Variants in AGBL4 observed in about 807,000 individuals in gnomAD.
AGBL4 encodes the protein AGBL carboxypeptidase 4, also known as cytosolic carboxypeptidase 6.
AGBL4 carries 58 observed loss-of-function variants against 66.4 expected under a neutral mutation model. That is an observed-to-expected ratio of 0.87 (90% confidence interval 0.71 to 1.09). The LOEUF (loss-of-function observed/expected upper bound fraction) is 1.09, where lower values mean the gene tolerates loss of function less well. Ranked by LOEUF, AGBL4 falls within the 50% of genes least tolerant of loss-of-function variation. The probability of loss-of-function intolerance (pLI) is 0.00; values close to 1 mark genes in which losing one functional copy is unlikely to be tolerated. For missense variants in AGBL4, 579 were observed against 631.0 expected, an observed-to-expected ratio of 0.92 and a Z score of 0.88; for synonymous variants, 234 against 222.9, an observed-to-expected ratio of 1.05 and a Z score of -0.44.
chr1:49,350,441 G>C (rs918790230), intron 3 of AGBL4, among the ~76,000 whole-genome samples: 1 of 151,978 alleles, frequency 6.6e-6, no homozygotes, highest in African/African-American at 2.4e-5. Context: ...CTGACCTCGT[G>C]ATCCGCCCGC....
In AGBL4 at chr1:48,736,569, G is replaced by T; in HGVS notation, c.635-73328C>A. ...TGTAAGAGATTCATGTCATAAATAT[G>T]AAATTAACTCTCTTTAAGGGTAATC... On this transcript the variant is annotated intron_variant, in intron 6 of 13. Coordinates refer to ENST00000371839, the MANE Select transcript of AGBL4 (RefSeq NM_032785.4). This position sits in a 1 kb window ranked among gnomAD's most constrained non-coding sequence, Gnocchi z 4.0. The T allele has an allele frequency of 1.2e-6, 1 of 825,490 alleles. No homozygotes were observed. The highest frequency in any genetic ancestry group is 1.9e-6 in the Non-Finnish European group (1 of 514,996). The allele number at this position is 825,490 out of a possible 1,614,324, so 51.1% of individuals were successfully genotyped here.
intron 3 of AGBL4, among the ~76,000 whole-genome samples, chr1:49,491,389 G>A (rs1647181572): frequency 1.3e-5 from 2 of 151,694 alleles, no homozygotes; most frequent in African/African-American, 4.8e-5. Context: ...GAGAAAATAA[G>A]AGTTTGTTTT....
intron 6 of AGBL4, among the ~76,000 whole-genome samples, chr1:48,742,448 A>T (rs1342462285): frequency 6.6e-6 from 1 of 152,180 alleles, no homozygotes; most frequent in African/African-American, 2.4e-5. Context: ...GGAAGAGAAA[A>T]CGCCCCAGCA....
chr1:49,635,021 C>T (rs1645644508), intron 3 of AGBL4, among the ~76,000 whole-genome samples: 2 of 152,234 alleles, frequency 1.3e-5, no homozygotes, highest in African/African-American at 4.8e-5. Context: ...TTGAGGGTAT[C>T]TTATGATTCT....
At chr1:49,077,036 C>T (rs933910804) in intron 4 of AGBL4, among the ~76,000 whole-genome samples, 2 of 152,054 alleles carry the variant, frequency 1.3e-5, no homozygotes, top group South Asian at 2.1e-4. Flanking sequence ...AAATTCCCTA[C>T]AATTTTCCTA....
chr1:49,925,293 G>C (rs535025281), intron 1 of AGBL4, among the ~76,000 whole-genome samples: 3 of 152,158 alleles, frequency 2.0e-5, no homozygotes, highest in African/African-American at 7.2e-5. Context: ...CTAGGCTGAA[G>C]AAGAGCCTTA....
intron 3 of AGBL4, chr1:49,269,033 T>G (rs1643994367): frequency 6.6e-6 from 1 of 152,230 alleles, no homozygotes; most frequent in African/African-American, 2.4e-5. Context: ...AGAAGCCTTG[T>G]GTAGTTCCAT....
intron 1 of AGBL4, among the ~76,000 whole-genome samples, chr1:50,018,889 A>G (rs1373509178): frequency 1.3e-5 from 2 of 152,166 alleles, no homozygotes; most frequent in Non-Finnish European, 2.9e-5. Context: ...TTTTGAAAAT[A>G]TTTCCAAAAA....
Position 49,809,070 on chromosome 1 carries a change from A to G in AGBL4, c.157+42326T>C, listed in dbSNP as rs77435374. Among the ~76,000 whole-genome samples, 899 of 152,304 alleles carry G rather than the reference A, an allele frequency of 5.9e-3. 10 individuals are homozygous for G. Among genetic ancestry groups the G allele is most frequent in the African/African-American group, 0.021 (858 of 41,572 alleles). ...TGTAAATATGGAGTTATGTGCTACC[A>G]ATTGAATAATACTATTAAATATTAC... On this transcript the variant is annotated intron_variant, in intron 2 of 13. Coordinates refer to ENST00000371839, the MANE Select transcript of AGBL4 (RefSeq NM_032785.4).
At chr1:49,794,445 G>T (rs1644681159) in intron 2 of AGBL4, among the ~76,000 whole-genome samples, 1 of 151,880 alleles carries the variant, frequency 6.6e-6, no homozygotes, top group Admixed American at 6.6e-5. Context: ...GTGAGTAAAT[G>T]ATTTTCAGAG....
intron 1 of AGBL4, among the ~76,000 whole-genome samples, chr1:49,875,263 G>A (rs113091665): frequency 0.42 from 59,836 of 142,188 alleles, 14,911 homozygotes; most frequent in Non-Finnish European, 0.56. Context: ...CCACCAACTC[G>A]TCATCTAGCA....
intron 3 of AGBL4, among the ~76,000 whole-genome samples, chr1:49,251,889 T>C (rs2148339282): frequency 6.6e-6 from 1 of 151,994 alleles, no homozygotes; most frequent in South Asian, 2.1e-4. Context: ...ACCCTCAAGG[T>C]CATCAAACAG....
chr1:49,302,443 C>T (rs1216293935), intron 3 of AGBL4, among the ~76,000 whole-genome samples: 3 of 151,548 alleles, frequency 2.0e-5, no homozygotes, highest in African/African-American at 7.3e-5. Flanking sequence ...TTAGTAGAAA[C>T]GGGGTTTCAC....
chr1:48,624,087 A>G (rs1645459817), intron 9 of AGBL4, among the ~76,000 whole-genome samples: 1 of 152,206 alleles, frequency 6.6e-6, no homozygotes, highest in African/African-American at 2.4e-5. Flanking sequence ...AAACTTTAGA[A>G]TCTGTGGGTT....
intron 4 of AGBL4, among the ~76,000 whole-genome samples, chr1:49,240,671 CT>C (rs1557758687): frequency 6.6e-6 from 1 of 150,576 alleles, no homozygotes. Flanking sequence ...CCTAATCTCT[CT>C]TCTCATGGCC....
At chr1:49,239,516 T>C (rs1381876361) in intron 4 of AGBL4, among the ~76,000 whole-genome samples, 1 of 152,102 alleles carries the variant, frequency 6.6e-6, no homozygotes, top group Admixed American at 6.6e-5. Flanking sequence ...TATTCAAACA[T>C]GGTGTGATTA....
chr1:49,027,651 C>T (rs1663830554), intron 5 of AGBL4, among the ~76,000 whole-genome samples: 1 of 152,052 alleles, frequency 6.6e-6, no homozygotes, highest in African/African-American at 2.4e-5. Flanking sequence ...GAGGGGCAGG[C>T]CACAAGCACC....
chr1:49,506,076 A>ATC (rs1287196450), intron 3 of AGBL4, among the ~76,000 whole-genome samples: 1 of 151,500 alleles, frequency 6.6e-6, no homozygotes, highest in Non-Finnish European at 1.5e-5. Context: ...ATAATATTGT[A>ATC]TCTCTCTCAG....
At chr1:48,654,279 C>T (rs570837630) in intron 7 of AGBL4, among the ~76,000 whole-genome samples, 3 of 152,238 alleles carry the variant, frequency 2.0e-5, no homozygotes, top group South Asian at 2.1e-4. Flanking sequence ...GAGCCCTCAT[C>T]GCTGAAGCCA....
Sources: allele counts gnomAD v4.1 joint callset (sites outside exome capture counted in the v4.1 genomes callset), GRCh38; gene constraint gnomAD v4.1.1; non-coding constraint Gnocchi (gnomAD v3.1); transcripts MANE v1.5; gene names NCBI Gene and HGNC (gene_info 2026-07-23, HGNC 2026-07-21).